Variants in SIM2 observed in about 807,000 individuals in gnomAD.
SIM2 encodes the protein single-minded homolog 2.
Under a neutral mutation model 64.8 loss-of-function variants are expected in SIM2, and 28 were observed. The observed-to-expected ratio is 0.43, with a 90% CI of 0.32 to 0.59. SIM2 has a LOEUF of 0.59. Ranked by LOEUF, SIM2 falls within the 20% of genes least tolerant of loss-of-function variation. SIM2 has a pLI of 0.07. For missense variants in SIM2, 847 were observed against 871.4 expected (o/e 0.97, Z 0.35); for synonymous variants, 408 against 391.1 (o/e 1.04, Z -0.51).
intron 7 of SIM2, among the ~76,000 whole-genome samples, chr21:36,737,642 C>A (rs1041335319): frequency 2.6e-5 from 4 of 152,196 alleles, no homozygotes; most frequent in Non-Finnish European, 5.9e-5. Flanking sequence ...AGGCTCCTGC[C>A]CAGAATGGGC....
chr21:36,742,163 G>A (rs1568941101), intron 8 of SIM2, among the ~76,000 whole-genome samples: 2 of 151,872 alleles, frequency 1.3e-5, no homozygotes, highest in Admixed American at 6.6e-5. Context: ...GCATGGGGGC[G>A]GATGGTGATG....
intron 1 of SIM2, among the ~76,000 whole-genome samples, chr21:36,706,779 C>T (rs1478714623): frequency 6.6e-6 from 1 of 152,130 alleles, no homozygotes; most frequent in Non-Finnish European, 1.5e-5. Flanking sequence ...CATCTAGCAC[C>T]CGACCACCTC....
chr21:36,725,993 G>T lies in SIM2; in HGVS notation c.544-126G>T, dbSNP rs1002536640. 10 of 734,390 alleles carry T rather than the reference G, an allele frequency of 1.4e-5. No individual in the cohort carries two copies. The Admixed American group carries it at 2.1e-4, about 16-fold the overall frequency. The allele number at this position is 734,390 out of a possible 1,614,324, so 45.5% of individuals were successfully genotyped here. A position where few individuals can be genotyped will look rare whatever the true frequency, so the allele number is the denominator to read the frequency against. The stretch of plus-strand genomic sequence containing the variant: ...TGAACCGGTGCCTGTCAGCACATTG[G>T]GCCGCACAGTGGAGTAGAGGCTGGG... On this transcript the variant is annotated intron_variant, in intron 5 of 10. Transcript: ENST00000290399.
intron 1 of SIM2, 125 bp from the exon 2 acceptor site, chr21:36,709,043 G>T (rs2088632084): frequency 1.3e-6 from 1 of 763,754 alleles, no homozygotes; most frequent in Middle Eastern, 3.6e-4. Context: ...CGGGGAGGCG[G>T]CGGGGAGACG....
chr21:36,733,255 C>T (rs973465254), intron 7 of SIM2, among the ~76,000 whole-genome samples: 4 of 152,044 alleles, frequency 2.6e-5, no homozygotes, highest in South Asian at 2.1e-4. Flanking sequence ...GATGGAGTCT[C>T]GCTCTGTTGC....
chr21:36,748,134 G>A lies in SIM2; in HGVS notation c.*42G>A. 1 of 1,121,438 alleles carries A rather than the reference G, an allele frequency of 8.9e-7. No individual in the cohort carries two copies. Among genetic ancestry groups the A allele is most frequent in the Non-Finnish European group, 1.1e-6 (1 of 906,340 alleles). 69.5% of individuals were successfully genotyped at this position (1,121,438 alleles called of 1,614,324 possible). On this transcript the variant is annotated 3_prime_UTR_variant, in exon 11 of 11. Transcript: ENST00000290399. Reference sequence around the variant, plus strand: ...GCCAGGAGCCTGGACCCGGCCTCCCGGGGCTGCGGCGCCACCGAGCCCGGC... The same window carrying A: ...GCCAGGAGCCTGGACCCGGCCTCCCAGGGCTGCGGCGCCACCGAGCCCGGC...
At position 36,747,658 on chromosome 21, in the gene SIM2, C is replaced by A; in HGVS notation, c.1577-7C>A. 8.0e-7 allele frequency: 1 copy of A among 1,245,070 alleles called. No homozygotes were observed. The highest frequency in any genetic ancestry group is 1.0e-6 in the Non-Finnish European group (1 of 995,660). 77.1% of individuals were successfully genotyped at this position (1,245,070 alleles called of 1,614,324 possible). The stretch of plus-strand genomic sequence containing the variant: ...GCTGCCCTCTAACGTGTCGCCTGTC[C>A]CCGCAGCGCCCGCCGCCGCCGTGCG... On this transcript the variant is annotated splice_polypyrimidine_tract_variant and splice_region_variant and intron_variant, in intron 10 of 10. Transcript: ENST00000290399. This position sits in a 1 kb window ranked among gnomAD's most constrained non-coding sequence, Gnocchi z 4.5.
Position 36,748,212 on chromosome 21 carries a change from C to G in SIM2, c.*120C>G, listed in dbSNP as rs1216792627. ...GCAGAGACAGCTGTTTGAATTGGAC[C>G]CCGCCGCCGACTTGCGGATTTCCAC... On this transcript the variant is annotated 3_prime_UTR_variant, in exon 11 of 11. Transcript: ENST00000290399. 2 of 458,292 alleles carry G rather than the reference C, an allele frequency of 4.4e-6. No individual in the cohort carries two copies. The highest frequency in any genetic ancestry group is 1.2e-4 in the Admixed American group (2 of 16,904). 28.4% of individuals were successfully genotyped at this position (458,292 alleles called of 1,614,324 possible).
Position 36,699,673 on chromosome 21 carries a change from C to T in SIM2, c.-74C>T, listed in dbSNP as rs888785850. ...CTCCCGGCTCCCCCTTCCCCATCCC[C>T]GCCGCCGCAGCCCGAGCGGGGCTCC... On this transcript the variant is annotated 5_prime_UTR_variant, in exon 1 of 11. Coordinates refer to ENST00000290399, the MANE Select transcript of SIM2 (RefSeq NM_005069.6). This position sits in a 1 kb window ranked among gnomAD's most constrained non-coding sequence, Gnocchi z 5.6. 6.5e-7 allele frequency: 1 copy of T among 1,530,040 alleles called. No individual in the cohort carries two copies. The highest frequency in any genetic ancestry group is 8.8e-7 in the Non-Finnish European group (1 of 1,135,724). The allele number at this position is 1,530,040 out of a possible 1,614,324, so 94.8% of individuals were successfully genotyped here.
intron 4 of SIM2, 110 bp downstream of exon 4, chr21:36,720,039 G>T: frequency 4.0e-6 from 3 of 755,534 alleles, no homozygotes; most frequent in Non-Finnish European, 4.6e-6. Context: ...GCATGACTAG[G>T]ACTGCCCAGC....
At chr21:36,706,502 A>T (rs756970902) in intron 1 of SIM2, among the ~76,000 whole-genome samples, 4 of 152,202 alleles carry the variant, frequency 2.6e-5, no homozygotes, top group Non-Finnish European at 5.9e-5. Context: ...GACTCTTCTC[A>T]CCCCTTATTT....
At position 36,741,214 on chromosome 21, in the gene SIM2, A is replaced by G. The variant is rs189631421; in HGVS notation, c.851-503A>G. On this transcript the variant is annotated intron_variant, in intron 7 of 10. Transcript: ENST00000290399. ...TGGGAAGAAAATATAAATGGCAACA[A>G]ACAGTTTCACTGTGAATACCCTCAT... 4.6e-4 allele frequency among the ~76,000 whole-genome samples: 70 copies of G among 152,336 alleles called. No homozygotes were observed. The East Asian group carries it at 9.5e-3, about 21-fold the overall frequency.
intron 3 of SIM2, among the ~76,000 whole-genome samples, chr21:36,715,334 A>G (rs2088732749): frequency 6.6e-6 from 1 of 152,224 alleles, no homozygotes; most frequent in Non-Finnish European, 1.5e-5. Flanking sequence ...ATTGAATAGG[A>G]TGTCAAATAC....
Position 36,699,914 on chromosome 21 carries a change from C to T in SIM2, c.168C>T (p.Phe56=). The T allele has an allele frequency of 1.3e-6, 2 of 1,599,978 alleles. No individual in the cohort carries two copies. The highest frequency in any genetic ancestry group is 1.7e-4 in the Middle Eastern group (1 of 5,978). The change falls in exon 1 of 11, where the codon TTC becomes TTT. Residue 56 remains phenylalanine (F), a synonymous_variant. Coordinates refer to ENST00000290399, the MANE Select transcript of SIM2 (RefSeq NM_005069.6). The surrounding 1 kb of genome is among the most constrained non-coding windows in gnomAD (Gnocchi z 5.6). ...GCTACCTGAAGATGCGCGCCGTCTT[C>T]CCCGAAGGTGAGGCCTCAGGTGGGC... is the stretch of plus-strand genomic sequence containing the variant. ...TTSYLKMRAV[F]PEGLGDAWGQ...
At position 36,712,548 on chromosome 21, in the gene SIM2, GT is replaced by G; in HGVS notation, c.279del (p.Phe93LeufsTer3). On this transcript the variant is annotated frameshift_variant, in exon 3 of 11. Coordinates refer to ENST00000290399, the MANE Select transcript of SIM2 (RefSeq NM_005069.6). LOFTEE classifies it high-confidence loss of function. ...TCTTTTACAGACTTTGGATGGATTT[GT>G]TTTTGTGGTAGCATCTGATGGCAAA... ...SHLLQTLDGFVFVVASDGKIM... is the reference protein window; with the variant it reads ...SHLLQTLDGFXFVVASDGKIM... The G allele has an allele frequency of 1.2e-6, 2 of 1,611,910 alleles. No individual in the cohort carries two copies. Among genetic ancestry groups the G allele is most frequent in the Non-Finnish European group, 1.7e-6 (2 of 1,178,130 alleles).
At chr21:36,738,688 C>A (rs2089109578) in intron 7 of SIM2, among the ~76,000 whole-genome samples, 1 of 152,344 alleles carries the variant, frequency 6.6e-6, no homozygotes, top group Admixed American at 6.5e-5. Context: ...CACCTCCCAC[C>A]TCCCACTGTT....
At position 36,717,393 on chromosome 21, in the gene SIM2, T is replaced by A. The variant is rs562987229; in HGVS notation, c.349-2428T>A. ...CTCTATTTTGTTATTTTTTCATTTT[T>A]AAAATAAACTGTTGAAATTGTGAGT... On this transcript the variant is annotated intron_variant, in intron 3 of 10. Coordinates refer to ENST00000290399, the MANE Select transcript of SIM2 (RefSeq NM_005069.6). Among the ~76,000 whole-genome samples, 208 of 152,246 alleles carry A rather than the reference T, an allele frequency of 1.4e-3. 1 individual carries two copies. Among genetic ancestry groups the A allele is most frequent in the Non-Finnish European group, 2.1e-3 (144 of 68,002 alleles).
At chr21:36,711,080 T>G (rs775795232) in intron 2 of SIM2, among the ~76,000 whole-genome samples, 11 of 152,204 alleles carry the variant, frequency 7.2e-5, no homozygotes, top group Admixed American at 3.9e-4. Flanking sequence ...TACACGTAAG[T>G]GAATTAGGCC....
intron 7 of SIM2, among the ~76,000 whole-genome samples, chr21:36,733,534 C>T (rs1336094684): frequency 1.3e-5 from 2 of 151,620 alleles, no homozygotes; most frequent in Non-Finnish European, 2.9e-5. Flanking sequence ...TTATCTCACA[C>T]TGCCTGGCTA....
Sources: allele counts gnomAD v4.1 joint callset (sites outside exome capture counted in the v4.1 genomes callset), GRCh38; gene constraint gnomAD v4.1.1; non-coding constraint Gnocchi (gnomAD v3.1); transcripts MANE v1.5; gene names NCBI Gene and HGNC (gene_info 2026-07-23, HGNC 2026-07-21).